The following SLC12A9 variants were observed in gnomAD, a reference collection of about 807,000 sequenced individuals.
SLC12A9 encodes the protein CCC-interacting protein 1.
A neutral mutation model predicts 66.0 loss-of-function variants in SLC12A9; 55 were observed. That is an observed-to-expected ratio of 0.83 (90% CI 0.67 to 1.04). SLC12A9 has a LOEUF of 1.04. Ranked by LOEUF, SLC12A9 falls within the 50% of genes least tolerant of loss-of-function variation. The pLI is 0.00. For missense variants in SLC12A9, 1,061 were observed against 1,241.9 expected (o/e 0.85, Z 2.19); for synonymous variants, 577 against 569.0 (o/e 1.01, Z -0.20).
chr7:100,842,919 C>T (rs979823412), intron 1 of SLC12A9, among the ~76,000 whole-genome samples: 10 of 152,358 alleles, frequency 6.6e-5, no homozygotes, highest in African/African-American at 2.4e-4. Context: ...TGGCACCCTG[C>T]GGGTCAGCCC....
Position 100,866,410 on chromosome 7 carries a change from AGGAGGGCCG to A in SLC12A9, c.2553_2561del (p.Gly854_Pro856del). ...GGGCCCAGCAGGGGCGCGGCACAGG[AGGAGGGCCG>A]GGTGGGCCGGAGGGTGGGGATGCTG... On this transcript the variant is annotated inframe_deletion, in exon 14 of 14. Coordinates refer to ENST00000354161, the MANE Select transcript of SLC12A9 (RefSeq NM_020246.4). This position sits in a 1 kb window ranked among gnomAD's most constrained non-coding sequence, Gnocchi z 7.3. 5.2e-6 allele frequency: 8 copies of A among 1,542,876 alleles called. No homozygotes were observed. Among genetic ancestry groups the A allele is most frequent in the Non-Finnish European group, 7.0e-6 (8 of 1,142,962 alleles).
In SLC12A9 at chr7:100,866,736, G is replaced by A; in HGVS notation, c.*131G>A. On this transcript the variant is annotated 3_prime_UTR_variant, in exon 14 of 14. Coordinates refer to ENST00000354161, the MANE Select transcript of SLC12A9 (RefSeq NM_020246.4). The surrounding 1 kb of genome is among the most constrained non-coding windows in gnomAD (Gnocchi z 7.3). ...GGGACGTGGAGCCCAGGGGAGGTTT[G>A]AAGGGGATCCTGGGCTTGGGCATCA... The A allele has an allele frequency of 9.9e-7, 1 of 1,007,556 alleles. No homozygotes were observed. The highest frequency in any genetic ancestry group is 1.4e-6 in the Non-Finnish European group (1 of 726,580). 62.4% of individuals were successfully genotyped at this position (1,007,556 alleles called of 1,614,324 possible). A position where few individuals can be genotyped will look rare whatever the true frequency, so the allele number is the denominator to read the frequency against.
Position 100,865,732 on chromosome 7 carries a change from C to G in SLC12A9, c.1872C>G (p.Pro624=). The change falls in exon 14 of 14, where the codon CCC becomes CCG. Residue 624 remains proline (P), a synonymous_variant. Transcript: ENST00000354161. ...LRISGLGGMK[P]NTLVLGFYDD... is the part of the protein sequence containing the mutation. ...CTCTGCCCCCAGGTGGCATGAAGCC[C>G]AACACGTTGGTCCTAGGTTTCTACG... 2 of 1,610,148 alleles carry G rather than the reference C, an allele frequency of 1.2e-6. No homozygotes were observed. Among genetic ancestry groups the G allele is most frequent in the Non-Finnish European group, 1.7e-6 (2 of 1,177,798 alleles).
At chr7:100,839,725 C>T (rs539718462) in intron 1 of SLC12A9, among the ~76,000 whole-genome samples, 17 of 152,278 alleles carry the variant, frequency 1.1e-4, no homozygotes, top group Non-Finnish European at 2.1e-4. Flanking sequence ...ACATCTAAAA[C>T]TTGGTAAGAC....
chr7:100,839,899 T>C (rs1317675342), intron 1 of SLC12A9, among the ~76,000 whole-genome samples: 1 of 145,238 alleles, frequency 6.9e-6, no homozygotes, highest in Non-Finnish European at 1.5e-5. Context: ...AAAAATTAGC[T>C]GGGCGTGGTG....
Position 100,865,768 on chromosome 7 carries a change from A to C in SLC12A9, c.1908A>C (p.Pro636=), listed in dbSNP as rs752087596. Residue 636 remains proline (P), a synonymous_variant, in exon 14 of 14, where the codon CCA becomes CCC. Transcript: ENST00000354161. ...TLVLGFYDDA[P]PQDHFLTDPA... The stretch of plus-strand genomic sequence containing the variant: ...TCCTAGGTTTCTACGATGACGCTCC[A>C]CCGCAGGACCATTTCCTGACGGACC... The C allele has an allele frequency of 1.2e-6, 2 of 1,613,674 alleles. No individual in the cohort carries two copies. Among genetic ancestry groups the C allele is most frequent in the Admixed American group, 1.7e-5 (1 of 59,926 alleles).
At chr7:100,827,761 G>A (rs918970063) in intron 1 of SLC12A9, among the ~76,000 whole-genome samples, 2 of 152,194 alleles carry the variant, frequency 1.3e-5, no homozygotes, top group Admixed American at 1.3e-4. Context: ...GATGTGCGCC[G>A]TGGCGGTGCG....
At chr7:100,865,302 T>C (rs1815001710) in intron 13 of SLC12A9, 2 of 1,535,874 alleles carry the variant, frequency 1.3e-6, no homozygotes, top group East Asian at 4.9e-5. Context: ...GGGACGCTAT[T>C]ACCCTGGGGA....
chr7:100,836,022 C>T (rs1473465895), intron 1 of SLC12A9, among the ~76,000 whole-genome samples: 1 of 152,082 alleles, frequency 6.6e-6, no homozygotes, highest in Non-Finnish European at 1.5e-5. Flanking sequence ...GGCTCATTGT[C>T]CCAGCAGGGG....
chr7:100,847,706 G>C (rs953586937), intron 1 of SLC12A9, among the ~76,000 whole-genome samples: 3 of 152,010 alleles, frequency 2.0e-5, no homozygotes, highest in African/African-American at 7.2e-5. Context: ...CGGCCTGAGA[G>C]GACCACAGGA....
intron 5 of SLC12A9, chr7:100,858,465 C>G (rs556985462): frequency 1.2e-3 from 218 of 187,344 alleles, no homozygotes; most frequent in African/African-American, 4.7e-3. Context: ...TGGTGCACAC[C>G]TGTAGTCCCA....
intron 1 of SLC12A9, among the ~76,000 whole-genome samples, chr7:100,843,294 G>A (rs1813826624): frequency 6.6e-6 from 1 of 152,204 alleles, no homozygotes; most frequent in Non-Finnish European, 1.5e-5. Flanking sequence ...GGAGTCCCAT[G>A]AGGAATACCA....
At position 100,866,023 on chromosome 7, in the gene SLC12A9, G is replaced by A; in HGVS notation, c.2163G>A (p.Leu721=). 6.2e-7 allele frequency: 1 copy of A among 1,612,776 alleles called. No homozygotes were observed. Among genetic ancestry groups the A allele is most frequent in the Non-Finnish European group, 8.5e-7 (1 of 1,179,852 alleles). ...LSRGSGGTSQ[L]HHVDVWPLNL... ...GGGGGTCTGGGGGCACCTCTCAGCT[G>A]CACCATGTGGACGTGTGGCCCCTCA... Residue 721 remains leucine, a synonymous_variant, in exon 14 of 14, where the codon CTG becomes CTA. Transcript: ENST00000354161. The surrounding 1 kb of genome is among the most constrained non-coding windows in gnomAD (Gnocchi z 7.3).
upstream of SLC12A9, among the ~76,000 whole-genome samples, chr7:100,848,908 A>AAAG (rs1562985243): frequency 3.5e-4 from 53 of 149,736 alleles, no homozygotes; most frequent in Middle Eastern, 6.9e-3. Flanking sequence ...AGAAAGAAAG[A>AAAG]AAAGAAAGAA....
chr7:100,828,437 G>A (rs922957027), intron 1 of SLC12A9, among the ~76,000 whole-genome samples: 3 of 151,708 alleles, frequency 2.0e-5, no homozygotes, highest in African/African-American at 7.3e-5. Context: ...TACTCGGGAG[G>A]CTGAGGCAGG....
At position 100,866,844 on chromosome 7, in the gene SLC12A9, C is replaced by G. The variant is rs868005942; in HGVS notation, c.*239C>G. 304 of 431,176 alleles carry G rather than the reference C, an allele frequency of 7.1e-4. 5 individuals are homozygous for G. Among genetic ancestry groups the G allele is most frequent in the African/African-American group, 5.8e-3 (282 of 48,898 alleles). The allele number at this position is 431,176 out of a possible 1,614,324, so 26.7% of individuals were successfully genotyped here. A position where few individuals can be genotyped will look rare whatever the true frequency, so the allele number is the denominator to read the frequency against. On this transcript the variant is annotated 3_prime_UTR_variant, in exon 14 of 14. Transcript: ENST00000354161. This position sits in a 1 kb window ranked among gnomAD's most constrained non-coding sequence, Gnocchi z 7.3. ...CCGTGCAGGGGAGGGAGTCCGCAGC[C>G]TCCCTTCACTGGTGCCTTGATGCTA...
upstream of SLC12A9, among the ~76,000 whole-genome samples, chr7:100,848,761 C>T (rs1813983189): frequency 6.6e-6 from 1 of 150,954 alleles, no homozygotes; most frequent in Non-Finnish European, 1.5e-5. Flanking sequence ...TGGCGGGAGC[C>T]TGTAGTCCCA....
rs566618981 is a variant in SLC12A9 at position 100,854,298 on chromosome 7, C to T, written c.101C>T (p.Ala34Val). The change falls in exon 2 of 14, where the codon GCC becomes GTC. Residue 34 changes from alanine to valine, a missense_variant. Transcript: ENST00000354161. ...GCCGGGGGTCCTGGAGGGGCGTCTG[C>T]CCGGAAGCTGTCCACCTTCCTGGGT... ...NGAGGPGGAS[A>V]RKLSTFLGVV... The T allele has an allele frequency of 1.2e-6, 2 of 1,604,598 alleles. No homozygotes were observed. Among genetic ancestry groups the T allele is most frequent in the African/African-American group, 1.3e-5 (1 of 74,206 alleles).
At chr7:100,830,454 G>C (rs141834716) in intron 1 of SLC12A9, among the ~76,000 whole-genome samples, 2 of 152,020 alleles carry the variant, frequency 1.3e-5, no homozygotes, top group Non-Finnish European at 2.9e-5. Flanking sequence ...TGAGAGGATC[G>C]TTTCAGTCCA....
Sources: gnomAD v4.1 joint callset for allele counts (sites outside exome capture counted in the v4.1 genomes callset) on GRCh38, gnomAD v4.1.1 for gene constraint, Gnocchi (gnomAD v3.1) non-coding constraint, MANE v1.5 for transcripts, NCBI Gene and HGNC (gene_info 2026-07-23, HGNC 2026-07-21) for gene names.